NRG1: variants seen among roughly 807,000 people sequenced by gnomAD.
NRG1 encodes neuregulin 1, also known as pro-neuregulin-1, membrane-bound isoform.
Under a neutral mutation model 63.8 loss-of-function variants are expected in NRG1, and 18 were observed. The ratio of observed to expected loss-of-function variants is 0.28; its 90% CI spans 0.19 to 0.42. NRG1 has a LOEUF of 0.42. NRG1 is among the 10% of genes least tolerant of loss of function. The probability of loss-of-function intolerance (pLI) is 1.00; values close to 1 mark genes in which losing one functional copy is unlikely to be tolerated. For missense variants in NRG1, 762 were observed against 814.7 expected (o/e 0.94, Z 0.79); for synonymous variants, 302 against 301.3 (o/e 1.00, Z -0.02).
At chr8:31,765,262 C>G (rs1586243123) in intron 1 of NRG1, among the ~76,000 whole-genome samples, 1 of 152,004 alleles carries the variant, frequency 6.6e-6, no homozygotes. Flanking sequence ...AACAGAAAAA[C>G]CTGTCATCTG....
chr8:32,486,676 G>T (rs1281037956), intron 1 of NRG1, among the ~76,000 whole-genome samples: 1 of 146,194 alleles, frequency 6.8e-6, no homozygotes, highest in Non-Finnish European at 1.5e-5. Flanking sequence ...CCAGGCTGGA[G>T]TGCAGTGGCA....
intron 1 of NRG1, among the ~76,000 whole-genome samples, chr8:31,868,384 A>G (rs1274080280): frequency 1.3e-5 from 2 of 152,138 alleles, no homozygotes; most frequent in African/African-American, 4.8e-5. Context: ...CCTCAAATAA[A>G]TATTTCTACT....
chr8:32,760,360 G>T (rs752723050), exon 11 of NRG1: 1 of 1,614,010 alleles, frequency 6.2e-7, no homozygotes, highest in Non-Finnish European at 8.5e-7. Flanking sequence ...CCTCAGGCAT[G>T]CCAGAGAAAC....
chr8:32,326,769 A>T (rs555076907), intron 1 of NRG1, among the ~76,000 whole-genome samples: 47 of 152,354 alleles, frequency 3.1e-4, no homozygotes, highest in African/African-American at 9.9e-4. Context: ...GTTAAAATTA[A>T]GATTATACTC....
At chr8:32,027,915 TA>T (rs1817713689) in intron 1 of NRG1, among the ~76,000 whole-genome samples, 1 of 152,172 alleles carries the variant, frequency 6.6e-6, no homozygotes, top group South Asian at 2.1e-4. Flanking sequence ...GCAGCTAAAC[TA>T]AACTAACAGA....
At chr8:32,731,641 T>A (rs1554653098) in intron 6 of NRG1, among the ~76,000 whole-genome samples, 2 of 152,226 alleles carry the variant, frequency 1.3e-5, no homozygotes, top group African/African-American at 2.4e-5. Context: ...TTTATTTTTT[T>A]AAATCCTGTA....
chr8:32,114,859 T>C (rs1832501458), intron 1 of NRG1, among the ~76,000 whole-genome samples: 2 of 152,194 alleles, frequency 1.3e-5, no homozygotes, highest in African/African-American at 4.8e-5. Flanking sequence ...AGCATCTATG[T>C]TGACAAGACA....
chr8:31,952,773 A>T (rs945843327), intron 1 of NRG1, among the ~76,000 whole-genome samples: 2 of 152,208 alleles, frequency 1.3e-5, no homozygotes, highest in East Asian at 3.8e-4. Context: ...GCAAAATGTC[A>T]TGGTAGCTTT....
At chr8:31,708,531 C>T (rs1430492112) in intron 1 of NRG1, among the ~76,000 whole-genome samples, 3 of 149,874 alleles carry the variant, frequency 2.0e-5, no homozygotes, top group Admixed American at 6.6e-5. Flanking sequence ...CTGCAAGCTC[C>T]GCCTCCCGGG....
chr8:32,435,898 T>A (rs1004170905), intron 1 of NRG1, among the ~76,000 whole-genome samples: 4 of 152,176 alleles, frequency 2.6e-5, no homozygotes, highest in African/African-American at 9.6e-5. Flanking sequence ...TATAGTAAGA[T>A]TTTATTGGTA....
At chr8:32,602,494 A>G (rs755405538) in intron 2 of NRG1, among the ~76,000 whole-genome samples, 5 of 152,108 alleles carry the variant, frequency 3.3e-5, no homozygotes, top group Admixed American at 3.3e-4. Flanking sequence ...TTGTTCCTAG[A>G]TTTGTATAAA....
intron 1 of NRG1, among the ~76,000 whole-genome samples, chr8:31,685,625 A>G (rs914306863): frequency 7.2e-5 from 11 of 152,164 alleles, no homozygotes; most frequent in African/African-American, 2.7e-4. Context: ...CATTATCCCA[A>G]AAAGAAACCC....
chr8:32,179,187 TAAAAAAAAAAA>T (rs35411561), intron 1 of NRG1, among the ~76,000 whole-genome samples: 1 of 66,518 alleles, frequency 1.5e-5, no homozygotes, highest in Non-Finnish European at 2.6e-5. Flanking sequence ...CTCACAGTCA[TAAAAAAAAAAA>T]AAAAAAAAAA....
Position 32,692,651 on chromosome 8 carries a change from C to T in NRG1, c.503-35298C>T, listed in dbSNP as rs1003867865. On this transcript the variant is annotated intron_variant, in intron 5 of 11. Coordinates refer to ENST00000356819, the Ensembl canonical transcript of NRG1. The stretch of plus-strand genomic sequence containing the variant: ...CATTTGCCTTTTGATTACTTCGGGC[C>T]CAAATGAGCTTTCTCTTTTAAGTAG... Among the ~76,000 whole-genome samples the T allele has an allele frequency of 3.3e-5, 5 of 152,200 alleles. No individual in the cohort carries two copies. In the East Asian group the frequency reaches 9.6e-4, roughly 29 times the overall value.
At chr8:32,506,609 T>G (rs1828557917) in intron 1 of NRG1, among the ~76,000 whole-genome samples, 1 of 152,164 alleles carries the variant, frequency 6.6e-6, no homozygotes, top group African/African-American at 2.4e-5. Context: ...AAGAATTATT[T>G]CTTACAAATG....
rs922937391 is a variant in NRG1, at chr8:32,718,388, C to G, written c.503-9561C>G. Among the ~76,000 whole-genome samples, 3 of 152,126 alleles carry G rather than the reference C, an allele frequency of 2.0e-5. No individual in the cohort carries two copies. The South Asian group carries it at 6.2e-4, about 32-fold the overall frequency. On this transcript the variant is annotated intron_variant, in intron 5 of 11. Transcript: ENST00000356819. The stretch of plus-strand genomic sequence containing the variant: ...AATATGATCCCTATTCTTTTTCCAT[C>G]ATTTTCTTGCAAACACTGTTATCCT...
intron 1 of NRG1, among the ~76,000 whole-genome samples, chr8:32,390,428 C>T (rs1172871394): frequency 2.6e-5 from 4 of 151,644 alleles, no homozygotes; most frequent in African/African-American, 9.7e-5. Flanking sequence ...AAAAAATAAA[C>T]AACCAGGCGT....
chr8:31,900,409 T>A (rs978255580), intron 1 of NRG1, among the ~76,000 whole-genome samples: 3 of 152,182 alleles, frequency 2.0e-5, no homozygotes, highest in Admixed American at 6.5e-5. Context: ...TATTATAAGA[T>A]AAGGATGTCC....
chr8:32,048,844 C>A (rs142161061), intron 1 of NRG1, among the ~76,000 whole-genome samples: 24 of 151,626 alleles, frequency 1.6e-4, no homozygotes, highest in African/African-American at 5.6e-4. Flanking sequence ...TGTTTGAGTT[C>A]CTTATATATT....
Sources: allele counts gnomAD v4.1 joint callset (sites outside exome capture counted in the v4.1 genomes callset), GRCh38; gene constraint gnomAD v4.1.1; transcripts MANE v1.5; gene names NCBI Gene and HGNC (gene_info 2026-07-23, HGNC 2026-07-21).